AAK1: variants seen among roughly 807,000 people sequenced by gnomAD.
AAK1 encodes the protein AP2 associated kinase 1.
A neutral mutation model predicts 116.0 loss-of-function variants in AAK1; 37 were observed. The ratio of observed to expected loss-of-function variants is 0.32; its 90% CI spans 0.25 to 0.42. The LOEUF (loss-of-function observed/expected upper bound fraction) is 0.42. Ranked by LOEUF, AAK1 falls within the 10% of genes least tolerant of loss-of-function variation. AAK1 has a pLI of 1.00. For synonymous variants in AAK1, 458 were observed against 439.9 expected (o/e 1.04, Z -0.51); for missense variants, 919 against 1,170.6 (o/e 0.79, Z 3.14).
chr2:69,579,418 A>G (rs1672452094), intron 2 of AAK1, among the ~76,000 whole-genome samples: 1 of 152,144 alleles, frequency 6.6e-6, no homozygotes, highest in Non-Finnish European at 1.5e-5. Flanking sequence ...ATCTCTACAA[A>G]AAATACAAAA....
At position 69,463,257 on chromosome 2, in the gene AAK1, G is replaced by A. The variant is rs1032589309; in HGVS notation, c.*12612C>T. ...AAAAATCACTTAACCTTTACTAGAA[G>A]TAACAGAAAGCATTAAAGTTGAAAC... On this transcript the variant is annotated 3_prime_UTR_variant, in exon 22 of 22. Transcript: ENST00000409085. The A allele has an allele frequency of 3.9e-5, 6 of 152,202 alleles. No homozygotes were observed. The highest frequency in any genetic ancestry group is 8.8e-5 in the Non-Finnish European group (6 of 68,036). The allele number at this position is 152,202 out of a possible 1,614,324, so 9.4% of individuals were successfully genotyped here.
At chr2:69,599,176 G>T (rs1214592657) in intron 2 of AAK1, among the ~76,000 whole-genome samples, 1 of 152,188 alleles carries the variant, frequency 6.6e-6, no homozygotes, top group Non-Finnish European at 1.5e-5. Flanking sequence ...TATAAAAGAA[G>T]TGGTGGTTTT....
intron 3 of AAK1, among the ~76,000 whole-genome samples, chr2:69,551,247 G>A (rs760037136): frequency 9.2e-5 from 14 of 152,104 alleles, no homozygotes; most frequent in Non-Finnish European, 1.9e-4. Context: ...GGTGGGGGTG[G>A]TGGAGGGAGA....
chr2:69,473,552 A>C lies in AAK1; in HGVS notation c.*2317T>G. On this transcript the variant is annotated 3_prime_UTR_variant, in exon 22 of 22. Transcript: ENST00000409085. ...GCCGTCTCTGGCTTCTAGTCTGCTCATTTTCATTAACTGCCTCCATTAAGC... is the reference window on the plus strand; with the variant it reads ...GCCGTCTCTGGCTTCTAGTCTGCTCCTTTTCATTAACTGCCTCCATTAAGC... 1 of 985,392 alleles carries C rather than the reference A, an allele frequency of 1.0e-6. No homozygotes were observed. Among genetic ancestry groups the C allele is most frequent in the Non-Finnish European group, 1.2e-6 (1 of 829,914 alleles). 61.0% of individuals were successfully genotyped at this position (985,392 alleles called of 1,614,324 possible).
In AAK1 at chr2:69,465,322, T is replaced by C. The variant is rs1289278411; in HGVS notation, c.*10547A>G. ...TGCTCTGACGCAGGGAATTGAAATA[T>C]AAGAACTGATAATATTTCTTCTTCA... On this transcript the variant is annotated 3_prime_UTR_variant, in exon 22 of 22. Coordinates refer to ENST00000409085, the MANE Select transcript of AAK1 (RefSeq NM_014911.5). The C allele has an allele frequency of 9.4e-7, 1 of 1,064,326 alleles. No homozygotes were observed. Among genetic ancestry groups the C allele is most frequent in the African/African-American group, 1.7e-5 (1 of 59,834 alleles). 65.9% of individuals were successfully genotyped at this position (1,064,326 alleles called of 1,614,324 possible). A position where few individuals can be genotyped will look rare whatever the true frequency, so the allele number is the denominator to read the frequency against.
chr2:69,576,082 A>C (rs1418498789), intron 2 of AAK1, among the ~76,000 whole-genome samples: 1 of 152,170 alleles, frequency 6.6e-6, no homozygotes, highest in Non-Finnish European at 1.5e-5. Flanking sequence ...TGGAGCGGGG[A>C]ATAGCCTGGT....
chr2:69,536,952 G>A (rs1198789206), intron 5 of AAK1, among the ~76,000 whole-genome samples: 2 of 152,176 alleles, frequency 1.3e-5, no homozygotes, highest in African/African-American at 4.8e-5. Flanking sequence ...TGACTCTTTT[G>A]ACATGAATGT....
At chr2:69,619,594 G>A (rs1403995363) in intron 2 of AAK1, among the ~76,000 whole-genome samples, 4 of 152,172 alleles carry the variant, frequency 2.6e-5, no homozygotes, top group African/African-American at 9.7e-5. Flanking sequence ...AAACAAGCAC[G>A]TTATATAGCA....
chr2:69,525,065 C>T lies in AAK1; in HGVS notation c.1023G>A (p.Glu341=). The T allele has an allele frequency of 6.2e-7, 1 of 1,613,976 alleles. No individual in the cohort carries two copies. Among genetic ancestry groups the T allele is most frequent in the Non-Finnish European group, 8.5e-7 (1 of 1,179,878 alleles). The part of the protein sequence containing the change: ...AKLPEPVKAS[E]AAAKKTQPKA... ...TTGGCTGGGTCTTTTTTGCAGCTGCCTCACTGGCTTTCACTGGTTCAGGAA... is the reference window on the plus strand; with the variant it reads ...TTGGCTGGGTCTTTTTTGCAGCTGCTTCACTGGCTTTCACTGGTTCAGGAA... The change falls in exon 10 of 22, where the codon GAG becomes GAA. Residue 341 remains glutamate (E), a synonymous_variant. Coordinates refer to ENST00000409085, the MANE Select transcript of AAK1 (RefSeq NM_014911.5).
intron 2 of AAK1, among the ~76,000 whole-genome samples, chr2:69,579,671 G>T (rs918846627): frequency 2.0e-5 from 3 of 152,132 alleles, no homozygotes; most frequent in Non-Finnish European, 2.9e-5. Context: ...CTACATCTCT[G>T]TCCACTTCTT....
chr2:69,590,814 G>A (rs534346382), intron 2 of AAK1, among the ~76,000 whole-genome samples: 1 of 152,300 alleles, frequency 6.6e-6, no homozygotes, highest in African/African-American at 2.4e-5. Flanking sequence ...AAAGTCAAAT[G>A]AAATAAATCA....
In AAK1 at chr2:69,462,539, C is replaced by T. The variant is rs896423142; in HGVS notation, c.*13330G>A. 2 of 151,882 alleles carry T rather than the reference C, an allele frequency of 1.3e-5. No individual in the cohort carries two copies. Among genetic ancestry groups the T allele is most frequent in the African/African-American group, 4.8e-5 (2 of 41,268 alleles). 9.4% of individuals were successfully genotyped at this position (151,882 alleles called of 1,614,324 possible). Reference sequence around the variant, plus strand: ...ACTAAGAATACAAAAATTAGCCAGGCGCGGTGGTGTGTGCCTATAATCCCA... The same window carrying T: ...ACTAAGAATACAAAAATTAGCCAGGTGCGGTGGTGTGTGCCTATAATCCCA... On this transcript the variant is annotated 3_prime_UTR_variant, in exon 22 of 22. Transcript: ENST00000409085.
At chr2:69,612,553 G>A (rs4481010) in intron 2 of AAK1, among the ~76,000 whole-genome samples, 4,387 of 152,266 alleles carry the variant, frequency 0.029, 213 homozygotes, top group African/African-American at 0.1. Flanking sequence ...GTTGTATTTT[G>A]GAGTCATTAT....
At chr2:69,643,494 C>A in intron 1 of AAK1, 81 bp downstream of exon 1, 1 of 1,218,366 alleles carries the variant, frequency 8.2e-7, no homozygotes. Flanking sequence ...GCTCCGGCAG[C>A]GCCGACCCTC....
intron 2 of AAK1, among the ~76,000 whole-genome samples, chr2:69,604,473 TC>T (rs1488372397): frequency 2.0e-5 from 3 of 152,246 alleles, no homozygotes; most frequent in Admixed American, 2.0e-4. Flanking sequence ...GCACGACACC[TC>T]CAAATGCTCA....
At chr2:69,575,308 ACCAGGG>A (rs67335361) in intron 2 of AAK1, among the ~76,000 whole-genome samples, 53,574 of 151,372 alleles carry the variant, frequency 0.35, 9,652 homozygotes, top group East Asian at 0.54. Flanking sequence ...CTGGTATAAA[ACCAGGG>A]CCAGGACTAG....
rs371573346 is a variant in AAK1, at chr2:69,598,800, T to C, written c.164-41822A>G. 41 of 208,970 alleles carry C rather than the reference T, an allele frequency of 2.0e-4. No individual in the cohort carries two copies. In the East Asian group the frequency reaches 5.1e-3, roughly 26 times the overall value. 12.9% of individuals were successfully genotyped at this position (208,970 alleles called of 1,614,324 possible). ...CCTCCCAAAGTGCTGGGATTATAGG[T>C]ATGAGCCGCTAATGTCCCACCCCTT... is the stretch of plus-strand genomic sequence containing the variant. On this transcript the variant is annotated intron_variant, in intron 2 of 21. Transcript: ENST00000409085.
chr2:69,635,719 G>C (rs969401952), intron 2 of AAK1, among the ~76,000 whole-genome samples: 19 of 152,216 alleles, frequency 1.2e-4, no homozygotes, highest in Non-Finnish European at 2.5e-4. Context: ...CCACTTATAT[G>C]AGGTATTCAA....
At position 69,544,351 on chromosome 2, in the gene AAK1, G is replaced by C. The variant is rs1296813327; in HGVS notation, c.391+85C>G. The C allele has an allele frequency of 3.0e-6, 3 of 1,007,798 alleles. 1 individual carries two copies. In the South Asian group the frequency reaches 4.0e-5, roughly 14 times the overall value. The allele number at this position is 1,007,798 out of a possible 1,614,324, so 62.4% of individuals were successfully genotyped here. A position where few individuals can be genotyped will look rare whatever the true frequency, so the allele number is the denominator to read the frequency against. ...ACCAGAACATATCATAGAGTGCAGT[G>C]CACATTAAGTGAAATGACCACCCTA... On this transcript the variant is annotated intron_variant, in intron 4 of 21. Coordinates refer to ENST00000409085, the MANE Select transcript of AAK1 (RefSeq NM_014911.5).
Sources: allele counts gnomAD v4.1 joint callset (sites outside exome capture counted in the v4.1 genomes callset), GRCh38; gene constraint gnomAD v4.1.1; transcripts MANE v1.5; gene names NCBI Gene and HGNC (gene_info 2026-07-23, HGNC 2026-07-21).